STK38L: variants seen among roughly 807,000 people sequenced by gnomAD.
STK38L encodes serine/threonine-protein kinase 38-like.
STK38L carries 28 observed loss-of-function variants against 59.7 expected under a neutral mutation model. The ratio of observed to expected loss-of-function variants is 0.47; its 90% CI spans 0.35 to 0.64. The LOEUF is 0.64. Among genes scored for constraint, STK38L ranks in the 30% least tolerant of loss-of-function variants. The pLI, the probability that STK38L is intolerant of heterozygous loss-of-function variation, is 0.01. For synonymous variants in STK38L, 162 were observed against 176.8 expected, an observed-to-expected ratio of 0.92 and a Z score of 0.66; for missense variants, 314 against 555.8, an observed-to-expected ratio of 0.56 and a Z score of 4.37.
chr12:27,303,007 C>T (rs1177440852), intron 3 of STK38L, among the ~76,000 whole-genome samples: 2 of 93,068 alleles, frequency 2.1e-5, no homozygotes, highest in African/African-American at 9.4e-5. Context: ...AGCAAGACTC[C>T]GTCTTAAAAA....
chr12:27,247,317 C>T (rs1000214178), intron 1 of STK38L, among the ~76,000 whole-genome samples: 55 of 152,266 alleles, frequency 3.6e-4, no homozygotes, highest in African/African-American at 1.3e-3. Flanking sequence ...TGGCTTGTAC[C>T]CATATGGCAT....
rs1233384709 is a variant in STK38L, at chr12:27,308,919, AATAT to A, written c.310-189_310-186del. On this transcript the variant is annotated intron_variant, in intron 4 of 13. Transcript: ENST00000389032. The surrounding 1 kb of genome is among the most constrained non-coding windows in gnomAD (Gnocchi z 4.5). ...ATATAAATATATATAAATATATATT[AATAT>A]ATATAAAATATATATAAATATATAT... 6.8e-6 allele frequency among the ~76,000 whole-genome samples: 1 copy of A among 146,082 alleles called. No individual in the cohort carries two copies. The highest frequency in any genetic ancestry group is 1.5e-5 in the Non-Finnish European group (1 of 66,470).
chr12:27,287,238 T>C (rs1943793491), intron 1 of STK38L, among the ~76,000 whole-genome samples: 2 of 152,186 alleles, frequency 1.3e-5, no homozygotes, highest in Admixed American at 1.3e-4. Context: ...CCTGAGTAGC[T>C]AGGACTACAG....
chr12:27,302,871 G>C (rs887604736), intron 3 of STK38L, among the ~76,000 whole-genome samples: 2 of 151,936 alleles, frequency 1.3e-5, no homozygotes, highest in African/African-American at 4.8e-5. Context: ...AAATTAGCCA[G>C]GAGCGGTGGC....
chr12:27,261,044 C>A (rs373233623), intron 1 of STK38L, among the ~76,000 whole-genome samples: 1 of 152,092 alleles, frequency 6.6e-6, no homozygotes, highest in East Asian at 1.9e-4. Context: ...GTTTCCATTC[C>A]CAGCTATTGT....
At chr12:27,298,921 A>G (rs1199538532) in intron 2 of STK38L, among the ~76,000 whole-genome samples, 1 of 152,238 alleles carries the variant, frequency 6.6e-6, no homozygotes, top group East Asian at 1.9e-4. Context: ...GAAGAATCAA[A>G]TGAAAACAAG....
chr12:27,258,525 C>T (rs1429976346), intron 1 of STK38L, among the ~76,000 whole-genome samples: 1 of 151,476 alleles, frequency 6.6e-6, no homozygotes, highest in Admixed American at 6.6e-5. Context: ...GATGGGGTTT[C>T]ACCATGTTGG....
chr12:27,279,501 G>T (rs1191709050), intron 1 of STK38L, among the ~76,000 whole-genome samples: 1 of 151,942 alleles, frequency 6.6e-6, no homozygotes, highest in Non-Finnish European at 1.5e-5. Context: ...GAGGCGGGTG[G>T]ATCACCTGAG....
chr12:27,320,600 T>A (rs1944704353), intron 12 of STK38L, among the ~76,000 whole-genome samples: 2 of 151,882 alleles, frequency 1.3e-5, no homozygotes, highest in East Asian at 3.9e-4. Flanking sequence ...GTTGTAATAA[T>A]AGCTAATTTT....
chr12:27,286,172 A>G (rs976918987), intron 1 of STK38L, among the ~76,000 whole-genome samples: 4 of 152,124 alleles, frequency 2.6e-5, no homozygotes, highest in African/African-American at 9.7e-5. Context: ...AATTTGGTTT[A>G]TAGGAAAAAA....
At chr12:27,307,395 A>C (rs1410742602) in intron 3 of STK38L, among the ~76,000 whole-genome samples, 3 of 152,234 alleles carry the variant, frequency 2.0e-5, no homozygotes, top group Admixed American at 2.0e-4. Flanking sequence ...CCTTTTAAAA[A>C]CAGATATATA....
At chr12:27,262,116 T>C (rs1217430592) in intron 1 of STK38L, among the ~76,000 whole-genome samples, 1 of 152,216 alleles carries the variant, frequency 6.6e-6, no homozygotes, top group Non-Finnish European at 1.5e-5. Context: ...GAATCAGACG[T>C]TTGTGTACCA....
chr12:27,296,038 C>T (rs982867016), intron 1 of STK38L, among the ~76,000 whole-genome samples: 3 of 152,208 alleles, frequency 2.0e-5, no homozygotes, highest in African/African-American at 7.2e-5. Context: ...CCTGACTCCA[C>T]ATCACACTAG....
intron 6 of STK38L, among the ~76,000 whole-genome samples, chr12:27,313,588 G>T (rs1019373213): frequency 4.6e-5 from 7 of 151,894 alleles, no homozygotes; most frequent in African/African-American, 1.7e-4. Flanking sequence ...TCACCATGTT[G>T]GTCAGGCTGG....
chr12:27,299,365 CAT>C (rs1202858676), intron 2 of STK38L, among the ~76,000 whole-genome samples: 1 of 152,068 alleles, frequency 6.6e-6, no homozygotes, highest in Non-Finnish European at 1.5e-5. Context: ...GAAGACTTGA[CAT>C]ATCTCTAAAA....
At chr12:27,271,996 A>G (rs953821372) in intron 1 of STK38L, among the ~76,000 whole-genome samples, 1 of 152,186 alleles carries the variant, frequency 6.6e-6, no homozygotes, top group African/African-American at 2.4e-5. Flanking sequence ...CACCGTACTC[A>G]TTAGCTTTAG....
chr12:27,320,001 A>C (rs1944684721), intron 12 of STK38L, among the ~76,000 whole-genome samples: 1 of 152,172 alleles, frequency 6.6e-6, no homozygotes, highest in South Asian at 2.1e-4. Context: ...TACAGTTAAG[A>C]AGCCTTCACT....
chr12:27,289,564 C>G (rs1485807651), intron 1 of STK38L, among the ~76,000 whole-genome samples: 1 of 152,232 alleles, frequency 6.6e-6, no homozygotes, highest in Non-Finnish European at 1.5e-5. Flanking sequence ...GCCATCATCA[C>G]CAACCTTATG....
chr12:27,306,346 A>T (rs1327451749), intron 3 of STK38L, among the ~76,000 whole-genome samples: 3 of 147,156 alleles, frequency 2.0e-5, no homozygotes, highest in Non-Finnish European at 3.1e-5. Context: ...TTATTCTTTT[A>T]TGTAATTAAA....
Sources: gnomAD v4.1 joint callset for allele counts (sites outside exome capture counted in the v4.1 genomes callset) on GRCh38, gnomAD v4.1.1 for gene constraint, Gnocchi (gnomAD v3.1) non-coding constraint, MANE v1.5 for transcripts, NCBI Gene and HGNC (gene_info 2026-07-23, HGNC 2026-07-21) for gene names.